The following PRELID2 variants were observed in gnomAD, a reference collection of about 807,000 sequenced individuals.
PRELID2 encodes PRELI domain-containing protein 2.
PRELID2 carries 25 observed loss-of-function variants against 28.4 expected under a neutral mutation model. That is an observed-to-expected ratio of 0.88 (90% CI 0.64 to 1.23). PRELID2 has a LOEUF of 1.23. PRELID2 is among the 50% of genes most tolerant of loss of function. The pLI is 0.00. For missense variants in PRELID2, 201 were observed against 214.4 expected, an observed-to-expected ratio of 0.94 and a Z score of 0.39; for synonymous variants, 76 against 71.6, an observed-to-expected ratio of 1.06 and a Z score of -0.31.
chr5:145,393,325 C>T, the PRELID2 span, among the ~76,000 whole-genome samples: 1 of 152,208 alleles, frequency 6.6e-6, no homozygotes, highest in Non-Finnish European at 1.5e-5. Context: ...GCGGGGTCCA[C>T]TCTGTCAGGA....
At chr5:145,502,789 C>A (rs753352545) in intron 1 of PRELID2, among the ~76,000 whole-genome samples, 1 of 151,502 alleles carries the variant, frequency 6.6e-6, no homozygotes, top group African/African-American at 2.4e-5. Flanking sequence ...CTATGCTGCC[C>A]AATAGTTATG....
chr5:145,257,787 C>A, the PRELID2 span, among the ~76,000 whole-genome samples: 2 of 152,088 alleles, frequency 1.3e-5, no homozygotes, highest in African/African-American at 4.8e-5. Flanking sequence ...AGAATACAAA[C>A]CAATCTCAAG....
intron 1 of PRELID2, among the ~76,000 whole-genome samples, chr5:145,529,861 C>T (rs1168132230): frequency 6.6e-6 from 1 of 152,164 alleles, no homozygotes; most frequent in Non-Finnish European, 1.5e-5. Context: ...TCCCTACCTA[C>T]TTAGTGCTGT....
intron 1 of PRELID2, among the ~76,000 whole-genome samples, chr5:145,541,804 A>G (rs1580972425): frequency 6.6e-6 from 1 of 151,980 alleles, no homozygotes; most frequent in Non-Finnish European, 1.5e-5. Context: ...TTGGGTTTTG[A>G]GATAATGGGC....
At chr5:145,399,344 A>G in the PRELID2 span, among the ~76,000 whole-genome samples, 2 of 152,146 alleles carry the variant, frequency 1.3e-5, no homozygotes, top group Non-Finnish European at 2.9e-5. Flanking sequence ...TAGAAAATAA[A>G]TTAATATATA....
the PRELID2 span, among the ~76,000 whole-genome samples, chr5:145,324,183 AAGG>A: frequency 2.0e-5 from 3 of 152,202 alleles, no homozygotes; most frequent in Non-Finnish European, 4.4e-5. Flanking sequence ...ACATTCATTT[AAGG>A]TATGTATAAG....
At chr5:145,673,318 AG>A (rs1754747262) in intron 1 of PRELID2, among the ~76,000 whole-genome samples, 1 of 152,126 alleles carries the variant, frequency 6.6e-6, no homozygotes, top group African/African-American at 2.4e-5. Flanking sequence ...TCTGAGAGAG[AG>A]GAGGGAAGGG....
chr5:145,799,152 G>C (rs1752962447), intron 4 of PRELID2, among the ~76,000 whole-genome samples: 1 of 149,210 alleles, frequency 6.7e-6, no homozygotes, highest in African/African-American at 2.5e-5. Flanking sequence ...GCTCCTATAA[G>C]ATTTTCAGTA....
At chr5:145,634,739 C>G (rs1753977752) in intron 1 of PRELID2, among the ~76,000 whole-genome samples, 1 of 152,194 alleles carries the variant, frequency 6.6e-6, no homozygotes, top group Non-Finnish European at 1.5e-5. Flanking sequence ...TCAGCTTTAT[C>G]TAGCTCACTG....
At chr5:145,782,671 C>A (rs965827339) in intron 5 of PRELID2, among the ~76,000 whole-genome samples, 1 of 152,184 alleles carries the variant, frequency 6.6e-6, no homozygotes, top group Non-Finnish European at 1.5e-5. Flanking sequence ...TGCTAATTAG[C>A]ATTTTATAAA....
At chr5:145,509,559 C>G (rs1407668681) in intron 1 of PRELID2, among the ~76,000 whole-genome samples, 1 of 152,186 alleles carries the variant, frequency 6.6e-6, no homozygotes, top group Non-Finnish European at 1.5e-5. Context: ...TTTCCTTTTG[C>G]CATCTCTGAA....
intron 1 of PRELID2, among the ~76,000 whole-genome samples, chr5:145,555,814 C>G (rs1012694691): frequency 1.3e-5 from 2 of 152,134 alleles, no homozygotes; most frequent in African/African-American, 2.4e-5. Flanking sequence ...GGAAAAAGGT[C>G]TTAGTTCCTG....
the PRELID2 span, among the ~76,000 whole-genome samples, chr5:145,420,347 A>T: frequency 6.6e-6 from 1 of 151,980 alleles, no homozygotes; most frequent in Non-Finnish European, 1.5e-5. Context: ...CACAATATTG[A>T]TTCTTCCTAC....
intron 1 of PRELID2, among the ~76,000 whole-genome samples, chr5:145,670,540 G>A (rs567209166): frequency 6.6e-6 from 1 of 152,264 alleles, no homozygotes; most frequent in South Asian, 2.1e-4. Context: ...ACATTGCCTG[G>A]CACACAGTGA....
the PRELID2 span, among the ~76,000 whole-genome samples, chr5:145,250,762 G>GA: frequency 1.3e-5 from 2 of 152,116 alleles, no homozygotes; most frequent in African/African-American, 4.8e-5. Context: ...ATATAAAACA[G>GA]TATGTGGAGC....
intron 1 of PRELID2, among the ~76,000 whole-genome samples, chr5:145,648,860 A>G (rs1023455810): frequency 1.3e-5 from 2 of 151,094 alleles, no homozygotes; most frequent in Admixed American, 6.6e-5. Context: ...TAAACCTTTC[A>G]TCGTGTTTTG....
At chr5:145,711,064 C>T (rs1755680768) in intron 1 of PRELID2, among the ~76,000 whole-genome samples, 1 of 152,218 alleles carries the variant, frequency 6.6e-6, no homozygotes, top group African/African-American at 2.4e-5. Flanking sequence ...TCAGCTCAAA[C>T]CCTTTTAATT....
chr5:145,470,487 T>C (rs1174908313), downstream of PRELID2, among the ~76,000 whole-genome samples: 2 of 152,036 alleles, frequency 1.3e-5, no homozygotes, highest in African/African-American at 4.8e-5. Flanking sequence ...GTAATTTTTA[T>C]AACAAAATGA....
rs547634165 is a variant in PRELID2, at chr5:145,828,354, A to G, written c.76-5220T>C. Among the ~76,000 whole-genome samples, 11 of 152,320 alleles carry G rather than the reference A, an allele frequency of 7.2e-5. No homozygotes were observed. In the East Asian group the frequency reaches 2.1e-3, roughly 29 times the overall value. On this transcript the variant is annotated intron_variant, in intron 1 of 6. Coordinates refer to ENST00000683046, the MANE Select transcript of PRELID2 (RefSeq NM_205846.3). Reference sequence around the variant, plus strand: ...TTTTGAAGACTTAAAAAGTTTCAAGATTTTGGTTTTTATCTTGCAATTTAC... The same window carrying G: ...TTTTGAAGACTTAAAAAGTTTCAAGGTTTTGGTTTTTATCTTGCAATTTAC...
Sources: gnomAD v4.1 joint callset for allele counts (sites outside exome capture counted in the v4.1 genomes callset) on GRCh38, gnomAD v4.1.1 for gene constraint, MANE v1.5 for transcripts, NCBI Gene and HGNC (gene_info 2026-07-23, HGNC 2026-07-21) for gene names.